Variants in POF1B observed in about 807,000 individuals in gnomAD.
POF1B encodes the protein POF1B actin binding protein.
Under a neutral mutation model 55.3 loss-of-function variants are expected in POF1B, and 53 were observed. The observed-to-expected ratio is 0.96, with a 90% confidence interval of 0.77 to 1.20. The LOEUF is 1.20. POF1B is among the 50% of genes most tolerant of loss of function. POF1B has a pLI of 0.00. For synonymous variants in POF1B, 188 were observed against 148.3 expected (o/e 1.27, Z -1.95); for missense variants, 478 against 420.5 (o/e 1.14, Z -1.20).
chrX:85,323,304 A>G (rs773316144), intron 7 of POF1B, among the ~76,000 whole-genome samples: 4 of 110,510 alleles, frequency 3.6e-5, no homozygotes, highest in East Asian at 2.9e-4. Flanking sequence ...AGGGACATGG[A>G]TGAAATTGGA....
chrX:85,293,645 C>A (rs959738404), intron 15 of POF1B, among the ~76,000 whole-genome samples: 2 of 111,598 alleles, frequency 1.8e-5, no homozygotes, highest in Non-Finnish European at 3.8e-5. Context: ...AGCAAATCTG[C>A]ACTTGTACCA....
rs192773564 is a variant in POF1B, at chrX:85,367,049, C to A, written c.357+643G>T. Among the ~76,000 whole-genome samples the A allele has an allele frequency of 2.5e-3, 275 of 111,272 alleles. 1 individual carries two copies. The highest frequency in any genetic ancestry group is 3.2e-3 in the Non-Finnish European group (169 of 53,003). Reference sequence around the variant, plus strand: ...TAAACAGCATCTCCCGCCTTCCTACCCTTTAAATCCCATAACCCCTTTACT... The same window carrying A: ...TAAACAGCATCTCCCGCCTTCCTACACTTTAAATCCCATAACCCCTTTACT... On this transcript the variant is annotated intron_variant, in intron 3 of 16. Transcript: ENST00000262753.
At chrX:85,355,726 C>A (rs901599166) in intron 4 of POF1B, among the ~76,000 whole-genome samples, 6 of 112,023 alleles carry the variant, frequency 5.4e-5, no homozygotes, top group African/African-American at 1.9e-4. Flanking sequence ...CGTCACTGGC[C>A]ATCAGAGAAA....
At chrX:85,310,156 G>GA (rs1403364102) in intron 9 of POF1B, among the ~76,000 whole-genome samples, 1 of 112,015 alleles carries the variant, frequency 8.9e-6, no homozygotes, top group Non-Finnish European at 1.9e-5. Flanking sequence ...AGGGTCAATT[G>GA]AAAATCACTC....
intron 15 of POF1B, among the ~76,000 whole-genome samples, chrX:85,286,958 C>T (rs954906618): frequency 9.0e-6 from 1 of 110,687 alleles, no homozygotes; most frequent in African/African-American, 3.3e-5. Flanking sequence ...TAGATGAAAT[C>T]CCCAAATATG....
chrX:85,355,398 G>C (rs2147941209), intron 4 of POF1B, among the ~76,000 whole-genome samples: 1 of 111,017 alleles, frequency 9.0e-6, no homozygotes, highest in South Asian at 3.7e-4. Flanking sequence ...ATAGGCTTGG[G>C]CAAGGACTTC....
At chrX:85,372,763 A>G (rs1404495750) in intron 2 of POF1B, among the ~76,000 whole-genome samples, 1 of 102,498 alleles carries the variant, frequency 9.8e-6, no homozygotes, top group Non-Finnish European at 2.0e-5. Flanking sequence ...TATATATTAT[A>G]TTATATATAC....
rs186696272 is a variant in POF1B at position 85,360,564 on chromosome X, T to C, written c.358-934A>G. ...ATATATATATATATATATATACATA[T>C]ATACACATTTTCTTTATCCAATCTG... is the stretch of plus-strand genomic sequence containing the variant. On this transcript the variant is annotated intron_variant, in intron 3 of 16. Transcript: ENST00000262753. Among the ~76,000 whole-genome samples the C allele has an allele frequency of 3.5e-3, 285 of 80,889 alleles. 15 individuals carry two copies. Among genetic ancestry groups the C allele is most frequent in the African/African-American group, 0.022 (245 of 11,260 alleles). The allele number at this position is 80,889 out of a possible 115,157, so 70.2% of individuals were successfully genotyped here.
intron 7 of POF1B, among the ~76,000 whole-genome samples, chrX:85,329,773 T>C (rs918442423): frequency 3.7e-5 from 4 of 108,523 alleles, no homozygotes; most frequent in Non-Finnish European, 7.6e-5. Context: ...GTCATTAATA[T>C]GAAAGCAAGA....
At chrX:85,357,412 C>A (rs1933523093) in intron 4 of POF1B, among the ~76,000 whole-genome samples, 1 of 111,051 alleles carries the variant, frequency 9.0e-6, no homozygotes, top group African/African-American at 3.3e-5. Flanking sequence ...TCTCTCCTTT[C>A]TTTGACCAAT....
chrX:85,331,109 C>T (rs1412368731), intron 6 of POF1B, 30 bp from the exon 7 acceptor site: 1 of 1,174,028 alleles, frequency 8.5e-7, no homozygotes, highest in East Asian at 3.1e-5. Flanking sequence ...CAATTGTAAG[C>T]AATATTAAGT....
chrX:85,303,340 A>G, intron 15 of POF1B, 66 bp downstream of exon 15: 2 of 766,698 alleles, frequency 2.6e-6, no homozygotes, highest in East Asian at 7.0e-5. Context: ...TACCAATTAA[A>G]CATGAAATAA....
intron 4 of POF1B, among the ~76,000 whole-genome samples, chrX:85,358,258 C>T (rs779277145): frequency 6.3e-5 from 7 of 111,416 alleles, no homozygotes; most frequent in South Asian, 3.7e-4. Context: ...GTATTATCTC[C>T]GACATCTGAA....
chrX:85,299,255 G>A (rs926439203), intron 15 of POF1B, among the ~76,000 whole-genome samples: 2 of 89,258 alleles, frequency 2.2e-5, no homozygotes, highest in Non-Finnish European at 4.4e-5. Context: ...GCAGTGGTGC[G>A]ATCTTGGCTC....
chrX:85,352,868 C>T (rs1933416943), intron 4 of POF1B, among the ~76,000 whole-genome samples: 1 of 110,905 alleles, frequency 9.0e-6, no homozygotes, highest in Non-Finnish European at 1.9e-5. Flanking sequence ...TTATTCTGTC[C>T]TCAAGCTAAA....
At chrX:85,291,440 T>G in intron 15 of POF1B, among the ~76,000 whole-genome samples, 1 of 112,066 alleles carries the variant, frequency 8.9e-6, no homozygotes, top group East Asian at 2.8e-4. Context: ...TTCCATATGA[T>G]TTTGAAAAGT....
intron 2 of POF1B, among the ~76,000 whole-genome samples, chrX:85,370,154 T>A (rs1933794149): frequency 8.9e-6 from 1 of 112,251 alleles, no homozygotes; most frequent in African/African-American, 3.2e-5. Context: ...ACATCACAGA[T>A]AAAGACATTT....
rs190046684 is a variant in POF1B at position 85,285,239 on chromosome X, G to C, written c.1650-2922C>G. 5.3e-3 allele frequency among the ~76,000 whole-genome samples: 591 copies of C among 111,628 alleles called. 5 individuals carry two copies. The highest frequency in any genetic ancestry group is 0.018 in the African/African-American group (566 of 30,697). ...TAGTTCAGCCATTGTGGAAGACAGT[G>C]TGGCGATCCCTCAAGGATCTAGAAC... On this transcript the variant is annotated intron_variant, in intron 15 of 16. Coordinates refer to ENST00000262753, the MANE Select transcript of POF1B (RefSeq NM_024921.4).
At position 85,345,953 on chromosome X, in the gene POF1B, G is replaced by A; in HGVS notation, c.630C>T (p.Ser210=). The change falls in exon 6 of 17, where the codon AGC becomes AGT. Residue 210 remains serine (S), a synonymous_variant. Transcript: ENST00000262753. ...TTCCTGTGATGGCTTGGATTTGCTGGCTAGAATCAGGTTGTTGCCAGTGTG... is the reference window on the plus strand; with the variant it reads ...TTCCTGTGATGGCTTGGATTTGCTGACTAGAATCAGGTTGTTGCCAGTGTG... ...HSAHWQQPDS[S]QQIQAITGNN... 1 of 1,207,487 alleles carries A rather than the reference G, an allele frequency of 8.3e-7. No individual in the cohort carries two copies. Among genetic ancestry groups the A allele is most frequent in the African/African-American group, 1.7e-5 (1 of 57,381 alleles).
Sources: gnomAD v4.1 joint callset for allele counts (sites outside exome capture counted in the v4.1 genomes callset) on GRCh38, gnomAD v4.1.1 for gene constraint, MANE v1.5 for transcripts, NCBI Gene and HGNC (gene_info 2026-07-23, HGNC 2026-07-21) for gene names.